The following ADAM22 variants were observed in gnomAD, a reference collection of about 807,000 sequenced individuals.
ADAM22 encodes disintegrin and metalloproteinase domain-containing protein 22.
A neutral mutation model predicts 144.6 loss-of-function variants in ADAM22; 65 were observed. That is an observed-to-expected ratio of 0.45 (90% CI 0.37 to 0.55). ADAM22 has a LOEUF of 0.55. Among genes scored for constraint, ADAM22 ranks in the 20% least tolerant of loss-of-function variants. The pLI, the probability that ADAM22 is intolerant of heterozygous loss-of-function variation, is 0.00. For missense variants in ADAM22, 974 were observed against 1,184.9 expected, an observed-to-expected ratio of 0.82 and a Z score of 2.61; for synonymous variants, 391 against 412.6, an observed-to-expected ratio of 0.95 and a Z score of 0.63.
intron 2 of ADAM22, among the ~76,000 whole-genome samples, chr7:87,958,093 A>AT (rs1165704917): frequency 6.6e-6 from 1 of 151,902 alleles, no homozygotes; most frequent in African/African-American, 2.4e-5. Flanking sequence ...TCATTTATTC[A>AT]TTTTCCCATT....
intron 4 of ADAM22, among the ~76,000 whole-genome samples, chr7:88,098,342 G>A (rs1822016102): frequency 6.6e-6 from 1 of 152,080 alleles, no homozygotes. Flanking sequence ...ACTGAACCAA[G>A]CTTCTTAAAA....
intron 2 of ADAM22, among the ~76,000 whole-genome samples, chr7:87,967,697 A>G (rs983661711): frequency 6.6e-6 from 1 of 150,518 alleles, no homozygotes; most frequent in Non-Finnish European, 1.5e-5. Context: ...AATCCCAGCT[A>G]TTCGGGAGGC....
chr7:88,151,408 C>A, intron 20 of ADAM22, 88 bp downstream of exon 20: 2 of 1,458,106 alleles, frequency 1.4e-6, no homozygotes, highest in Non-Finnish European at 9.6e-7. Flanking sequence ...AAATTTTTGA[C>A]TACTTTATGA....
At chr7:87,935,226 C>T (rs1174380634) in intron 2 of ADAM22, 40 bp downstream of exon 2, 2 of 1,520,624 alleles carry the variant, frequency 1.3e-6, no homozygotes, top group African/African-American at 2.7e-5. Context: ...CCGCGCCTCC[C>T]GGCCCACCCG....
intron 4 of ADAM22, among the ~76,000 whole-genome samples, chr7:88,098,982 C>A (rs1822194931): frequency 6.6e-6 from 1 of 151,916 alleles, no homozygotes; most frequent in African/African-American, 2.4e-5. Flanking sequence ...ACATTTGTAC[C>A]CTGGAATGGA....
At chr7:87,979,321 A>G (rs1852719270) in intron 3 of ADAM22, among the ~76,000 whole-genome samples, 1 of 152,224 alleles carries the variant, frequency 6.6e-6, no homozygotes, top group African/African-American at 2.4e-5. Flanking sequence ...ATAGGTAGCC[A>G]TTAGCCACTT....
intron 21 of ADAM22, 90 bp downstream of exon 21, chr7:88,153,416 C>A: frequency 9.5e-7 from 1 of 1,048,910 alleles, no homozygotes; most frequent in Non-Finnish European, 1.4e-6. Flanking sequence ...CTTTCTGCAT[C>A]ACACAAAGTG....
At chr7:88,129,042 G>A (rs768609656) in intron 9 of ADAM22, among the ~76,000 whole-genome samples, 5 of 151,890 alleles carry the variant, frequency 3.3e-5, no homozygotes, top group African/African-American at 9.7e-5. Flanking sequence ...ATTTTAGTTC[G>A]CGGGGTACAC....
At chr7:88,178,363 A>G (rs1846199871) in intron 26 of ADAM22, among the ~76,000 whole-genome samples, 1 of 152,132 alleles carries the variant, frequency 6.6e-6, no homozygotes, top group Admixed American at 6.6e-5. Context: ...TTAACTTTGA[A>G]TCTTTCCATT....
In ADAM22 at chr7:87,934,994, C is replaced by T. The variant is rs112927852; in HGVS notation, c.86-32C>T. The T allele has an allele frequency of 2.6e-3, 4,181 of 1,613,968 alleles. 84 individuals are homozygous for T. The African/African-American group carries it at 0.047, about 18-fold the overall frequency. On this transcript the variant is annotated intron_variant, in intron 1 of 31. Coordinates refer to ENST00000413139, the MANE Select transcript of ADAM22 (RefSeq NM_001324418.2). The stretch of plus-strand genomic sequence containing the variant: ...GGGTCATTATTTTCGCCTTTTCTCT[C>T]CACTCCCTCCTTTCCCGGTTCCTGC...
At chr7:88,004,582 G>C (rs1003612707) in intron 3 of ADAM22, among the ~76,000 whole-genome samples, 1 of 152,224 alleles carries the variant, frequency 6.6e-6, no homozygotes, top group Non-Finnish European at 1.5e-5. Flanking sequence ...AAAAGCTTAA[G>C]TAAATTGTGT....
intron 26 of ADAM22, among the ~76,000 whole-genome samples, chr7:88,178,371 A>G (rs1586539750): frequency 6.6e-6 from 1 of 152,088 alleles, no homozygotes; most frequent in African/African-American, 2.4e-5. Flanking sequence ...GAATCTTTCC[A>G]TTTCTTCGTA....
chr7:88,188,408 T>G (rs1472818515), intron 30 of ADAM22, among the ~76,000 whole-genome samples: 1 of 152,158 alleles, frequency 6.6e-6, no homozygotes, highest in Admixed American at 6.5e-5. Context: ...CACCCCTGAT[T>G]GCACGTGCAA....
chr7:88,178,971 A>G lies in ADAM22; in HGVS notation c.2337A>G (p.Gly779=). ...AGGGAGATTATGTAAAAAAGCCTGG[A>G]GATGGTGACTCTTTTTATAGCGACA... ...LPQGDYVKKP[G]DGDSFYSDIP... Residue 779 remains glycine, a synonymous_variant, in exon 27 of 32, where the codon GGA becomes GGG. Coordinates refer to ENST00000413139, the MANE Select transcript of ADAM22 (RefSeq NM_001324418.2). 1 of 1,612,720 alleles carries G rather than the reference A, an allele frequency of 6.2e-7. No homozygotes were observed. Among genetic ancestry groups the G allele is most frequent in the South Asian group, 1.1e-5 (1 of 90,836 alleles).
At chr7:88,045,990 A>C (rs1200813536) in intron 3 of ADAM22, among the ~76,000 whole-genome samples, 2 of 150,974 alleles carry the variant, frequency 1.3e-5, no homozygotes, top group African/African-American at 4.9e-5. Context: ...GTTTGACCCC[A>C]TATCTTAGGT....
intron 29 of ADAM22, 86 bp downstream of exon 29, chr7:88,182,110 C>G (rs1299809746): frequency 8.4e-7 from 1 of 1,192,914 alleles, no homozygotes; most frequent in South Asian, 1.4e-5. Context: ...AGTCAAAGAA[C>G]TGTAAACCAT....
chr7:88,050,834 C>A (rs1161872620), intron 3 of ADAM22, among the ~76,000 whole-genome samples: 1 of 152,176 alleles, frequency 6.6e-6, no homozygotes, highest in East Asian at 1.9e-4. Context: ...ATGGTAATTT[C>A]TTTTGCTGTG....
At chr7:88,017,344 T>A (rs1585040294) in intron 3 of ADAM22, among the ~76,000 whole-genome samples, 1 of 152,158 alleles carries the variant, frequency 6.6e-6, no homozygotes, top group East Asian at 1.9e-4. Flanking sequence ...ATTTGATCAT[T>A]ACACATTGTA....
intron 2 of ADAM22, among the ~76,000 whole-genome samples, chr7:87,966,720 C>CTTTT (rs1562873898): frequency 2.0e-4 from 6 of 30,162 alleles, no homozygotes; most frequent in South Asian, 7.8e-4. Flanking sequence ...CAAGGAAAGC[C>CTTTT]GTTTTTTTTT....
Sources: gnomAD v4.1 joint callset for allele counts (sites outside exome capture counted in the v4.1 genomes callset) on GRCh38, gnomAD v4.1.1 for gene constraint, MANE v1.5 for transcripts, NCBI Gene and HGNC (gene_info 2026-07-23, HGNC 2026-07-21) for gene names.